FGF3: variants seen among roughly 807,000 people sequenced by gnomAD.
FGF3 encodes FGF-3.
A neutral mutation model predicts 9.8 loss-of-function variants in FGF3; 7 were observed. The observed-to-expected ratio is 0.72, with a 90% CI of 0.41 to 1.35. The LOEUF is 1.35. FGF3 is among the 40% of genes most tolerant of loss of function. FGF3 has a pLI of 0.01. For synonymous variants in FGF3, 173 were observed against 157.2 expected (o/e 1.10, Z -0.75); for missense variants, 390 against 345.6 (o/e 1.13, Z -1.02).
intron 1 of FGF3, 31 bp downstream of exon 1, chr11:69,818,683 C>T (rs1239239182): frequency 1.4e-6 from 2 of 1,433,674 alleles, no homozygotes; most frequent in Admixed American, 2.6e-5. Context: ...GGCGCCGCTT[C>T]CCCCGGGGCC....
Position 69,818,775 on chromosome 11 carries a change from C to G in FGF3, c.159G>C (p.Lys53Asn). The change falls in exon 1 of 3, where the codon AAG becomes AAC. Residue 53 changes from lysine to asparagine, a missense_variant. Coordinates refer to ENST00000334134, the MANE Select transcript of FGF3 (RefSeq NM_005247.4). ...PRRRKLYCAT[K>N]YHLQLHPSGR... ...CGCTCGGGTGCAGCTGGAGGTGGTA[C>G]TTCGTGGCGCAGTAGAGCTTGCGGC... 1.3e-6 allele frequency: 2 copies of G among 1,497,330 alleles called. No individual in the cohort carries two copies. Among genetic ancestry groups the G allele is most frequent in the Non-Finnish European group, 1.8e-6 (2 of 1,129,974 alleles). 92.8% of individuals were successfully genotyped at this position (1,497,330 alleles called of 1,614,324 possible).
intron 1 of FGF3, 128 bp from the exon 2 acceptor site, chr11:69,816,551 G>T: frequency 1.4e-6 from 1 of 701,386 alleles, no homozygotes. Flanking sequence ...CCCACAGGTC[G>T]GGGAGTGAGT....
At chr11:69,811,407 G>T (rs2119909261) in intron 2 of FGF3, among the ~76,000 whole-genome samples, 1 of 144,926 alleles carries the variant, frequency 6.9e-6, no homozygotes, top group Middle Eastern at 3.6e-3. Context: ...CAGAGATTGT[G>T]CCACTGCACT....
In FGF3 at chr11:69,816,331, G is replaced by A. The variant is rs1856132437; in HGVS notation, c.313C>T (p.Leu105Phe). 2 of 1,613,458 alleles carry A rather than the reference G, an allele frequency of 1.2e-6. No individual in the cohort carries two copies. The highest frequency in any genetic ancestry group is 1.7e-6 in the Non-Finnish European group (2 of 1,179,532). Residue 105 changes from leucine to phenylalanine, a missense_variant, in exon 2 of 3, where the codon CTC (leucine) becomes TTC (phenylalanine). Transcript: ENST00000334134. The stretch of plus-strand genomic sequence containing the variant: ...CAGCCTGGACTCACCGAAGCATAGA[G>A]TCGTCCCCTCTTGTTCATGGCCAGG... ...RYLAMNKRGR[L>F]YASEHYSAEC...
Position 69,818,781 on chromosome 11 carries a change from G to C in FGF3, c.153C>G (p.Ala51=). The C allele has an allele frequency of 6.7e-7, 1 of 1,496,448 alleles. No homozygotes were observed. The highest frequency in any genetic ancestry group is 8.9e-7 in the Non-Finnish European group (1 of 1,129,662). The allele number at this position is 1,496,448 out of a possible 1,614,324, so 92.7% of individuals were successfully genotyped here. ...GAPRRRKLYC[A]TKYHLQLHPS... Reference sequence around the variant, plus strand: ...GGTGCAGCTGGAGGTGGTACTTCGTGGCGCAGTAGAGCTTGCGGCGCCGGG... The same window carrying C: ...GGTGCAGCTGGAGGTGGTACTTCGTCGCGCAGTAGAGCTTGCGGCGCCGGG... The change falls in exon 1 of 3, where the codon GCC becomes GCG. Residue 51 remains alanine (A), a synonymous_variant. Transcript: ENST00000334134.
rs782507721 is a variant in FGF3, at chr11:69,816,364, C to T, written c.280G>A (p.Gly94Arg). ...GIVAIRGLFS[G>R]RYLAMNKRGR... ...CTCTTGTTCATGGCCAGGTACCGCCCGGAGAAGAGACCCCTGATGGCCACA... is the reference window on the plus strand; with the variant it reads ...CTCTTGTTCATGGCCAGGTACCGCCTGGAGAAGAGACCCCTGATGGCCACA... The change falls in exon 2 of 3, where the codon GGG becomes AGG. Residue 94 changes from glycine to arginine, a missense_variant. Gly to Arg is a moderately radical substitution (Grantham distance 125). Transcript: ENST00000334134. 1.3e-5 allele frequency: 21 copies of T among 1,613,986 alleles called. No individual in the cohort carries two copies. Among genetic ancestry groups the T allele is most frequent in the African/African-American group, 1.2e-4 (9 of 74,900 alleles).
Position 69,810,295 on chromosome 11 carries a change from C to T in FGF3, c.*10G>A, listed in dbSNP as rs1463655448. The stretch of plus-strand genomic sequence containing the variant: ...TCGCCAGGAGCTCTGGCGGTGGCCA[C>T]CAGGCCCAGCTAGTGCGCACTGGCC... On this transcript the variant is annotated 3_prime_UTR_variant, in exon 3 of 3. Transcript: ENST00000334134. The T allele has an allele frequency of 2.6e-6, 4 of 1,551,370 alleles. No individual in the cohort carries two copies. In the East Asian group the frequency reaches 7.1e-5, roughly 28 times the overall value.
At chr11:69,815,467 G>A (rs1590964173) in intron 2 of FGF3, among the ~76,000 whole-genome samples, 1 of 152,214 alleles carries the variant, frequency 6.6e-6, no homozygotes, top group Non-Finnish European at 1.5e-5. Flanking sequence ...AAAAATCTGT[G>A]ATGAAATCAT....
chr11:69,813,640 GTGGA>G (rs1856065345), intron 2 of FGF3, among the ~76,000 whole-genome samples: 5 of 102,450 alleles, frequency 4.9e-5, no homozygotes, highest in African/African-American at 1.1e-4. Flanking sequence ...GGATGGATGG[GTGGA>G]TGGGTGGATG....
chr11:69,814,379 G>A (rs1411811315), intron 2 of FGF3, among the ~76,000 whole-genome samples: 1 of 152,046 alleles, frequency 6.6e-6, no homozygotes, highest in Non-Finnish European at 1.5e-5. Flanking sequence ...AGAGTGAGTG[G>A]CTGGTGGGGC....
At chr11:69,816,278 G>T (rs148295123) in intron 2 of FGF3, 42 bp downstream of exon 2, 1 of 1,460,958 alleles carries the variant, frequency 6.8e-7, no homozygotes, top group Non-Finnish European at 9.6e-7. Flanking sequence ...AGGCCAGACC[G>T]CTACTCCGTC....
chr11:69,817,540 C>G (rs1856156067), intron 1 of FGF3: 1 of 152,244 alleles, frequency 6.6e-6, no homozygotes, highest in Non-Finnish European at 1.5e-5. Flanking sequence ...TGGAGAGAAC[C>G]GGAGTGTCTT....
chr11:69,816,130 C>T (rs775008324), intron 2 of FGF3, among the ~76,000 whole-genome samples, 190 bp downstream of exon 2: 7 of 152,156 alleles, frequency 4.6e-5, no homozygotes, highest in African/African-American at 1.2e-4. Flanking sequence ...AGGTCACTCG[C>T]GGAGCAGCCT....
intron 2 of FGF3, among the ~76,000 whole-genome samples, chr11:69,813,544 G>T (rs879956006): frequency 1.3e-5 from 2 of 150,344 alleles, no homozygotes; most frequent in Non-Finnish European, 3.0e-5. Flanking sequence ...TGTCAGATGG[G>T]TGGGTGGATG....
intron 2 of FGF3, among the ~76,000 whole-genome samples, chr11:69,815,909 T>C (rs10796856): frequency 0.49 from 75,092 of 151,916 alleles, 18,817 homozygotes; most frequent in East Asian, 0.62. Flanking sequence ...TGGGCCAGCG[T>C]CCTCCTCTCC....
chr11:69,817,699 C>G (rs972657312), intron 1 of FGF3: 1 of 152,370 alleles, frequency 6.6e-6, no homozygotes, highest in Non-Finnish European at 1.5e-5. Flanking sequence ...CCGCCACCTT[C>G]AAGCGGCGGA....
In FGF3 at chr11:69,816,390, A is replaced by G; in HGVS notation, c.254T>C (p.Ile85Thr). Residue 85 changes from isoleucine to threonine, a missense_variant, in exon 2 of 3, where the codon ATT (isoleucine) becomes ACT (threonine). Physicochemically the swap from Ile to Thr is moderately conservative, Grantham distance 89. Transcript: ENST00000334134. ...GGAGAAGAGACCCCTGATGGCCACA[A>G]TGCCCACCTCCACTGCCGTTATCTC... Reference protein sequence around the residue: ...ILEITAVEVGIVAIRGLFSGR... With the variant: ...ILEITAVEVGTVAIRGLFSGR... 6.2e-7 allele frequency: 1 copy of G among 1,613,998 alleles called. No individual in the cohort carries two copies.
chr11:69,810,719 ATGGT>A lies in FGF3; in HGVS notation c.325-23_325-20del. ...AGTGCTCCTGCGGGGATGAGATATC[ATGGT>A]CAGTGCCCCGGGGAGACTGTGGCAG... is the stretch of plus-strand genomic sequence containing the variant. On this transcript the variant is annotated intron_variant, in intron 2 of 2. Coordinates refer to ENST00000334134, the MANE Select transcript of FGF3 (RefSeq NM_005247.4). 6.4e-7 allele frequency: 1 copy of A among 1,560,900 alleles called. No individual in the cohort carries two copies. The highest frequency in any genetic ancestry group is 2.3e-5 in the East Asian group (1 of 43,840).
At chr11:69,810,752 C>T in intron 2 of FGF3, 52 bp from the exon 3 acceptor site, 1 of 1,475,398 alleles carries the variant, frequency 6.8e-7, no homozygotes, top group African/African-American at 1.4e-5. Flanking sequence ...GTGGCAGCGT[C>T]AGGGCCCAGG....
Sources: gnomAD v4.1 joint callset for allele counts (sites outside exome capture counted in the v4.1 genomes callset) on GRCh38, gnomAD v4.1.1 for gene constraint, MANE v1.5 for transcripts, NCBI Gene and HGNC (gene_info 2026-07-23, HGNC 2026-07-21) for gene names.